The following TET2 variants were observed in gnomAD, a reference collection of about 807,000 sequenced individuals.
The protein encoded by TET2 is tet methylcytosine dioxygenase 2, also known as methylcytosine dioxygenase TET2.
In TET2, 299 loss-of-function variants were observed where a neutral mutation model predicts 142.9. The observed-to-expected ratio is 2.09, with a 90% CI of 1.90 to 2.30. TET2 has a LOEUF of 2.30. Ranked by LOEUF, TET2 falls within the 30% of genes most tolerant of loss-of-function variation. The pLI is 0.00. For missense variants in TET2, 2,418 were observed against 2,378.0 expected, an observed-to-expected ratio of 1.02 and a Z score of -0.35; for synonymous variants, 819 against 849.0, an observed-to-expected ratio of 0.96 and a Z score of 0.61.
chr4:105,227,351 T>C (rs1021306791), intron 2 of TET2, among the ~76,000 whole-genome samples: 10 of 152,172 alleles, frequency 6.6e-5, no homozygotes, highest in African/African-American at 2.4e-4. Flanking sequence ...TTGGCCAGCA[T>C]CCTCTTAGGA....
intron 2 of TET2, among the ~76,000 whole-genome samples, chr4:105,219,463 C>T (rs1363902264): frequency 6.6e-6 from 1 of 152,078 alleles, no homozygotes; most frequent in African/African-American, 2.4e-5. Flanking sequence ...GGATACAGTA[C>T]AGTACATAAT....
At chr4:105,257,995 T>C (rs768676996) in intron 6 of TET2, among the ~76,000 whole-genome samples, 1 of 152,090 alleles carries the variant, frequency 6.6e-6, no homozygotes, top group East Asian at 1.9e-4. Flanking sequence ...CAGTCTAGAG[T>C]ATATCCAACC....
At chr4:105,191,426 T>C (rs952266771) in intron 2 of TET2, among the ~76,000 whole-genome samples, 1 of 152,158 alleles carries the variant, frequency 6.6e-6, no homozygotes, top group Non-Finnish European at 1.5e-5. Flanking sequence ...ATATATAATT[T>C]TGCCTGAACT....
At position 105,276,285 on chromosome 4, in the gene TET2, C is replaced by T. The variant is rs369486971; in HGVS notation, c.5775C>T (p.Ala1925=). 1 of 1,551,426 alleles carries T rather than the reference C, an allele frequency of 6.4e-7. No homozygotes were observed. The highest frequency in any genetic ancestry group is 8.7e-7 in the Non-Finnish European group (1 of 1,146,962). ...GGGAAGCCAAAATGGCTGAAAAAGC[C>T]CGTGAGAAAGAGGAAGAGTGTGAAA... is the stretch of plus-strand genomic sequence containing the variant. ...ALWEAKMAEK[A]REKEEECEKY... Residue 1925 remains alanine (A), a synonymous_variant, in exon 11 of 11, where the codon GCC becomes GCT. Coordinates refer to ENST00000380013, the MANE Select transcript of TET2 (RefSeq NM_001127208.3).
chr4:105,235,385 G>GAAT lies in TET2; in HGVS notation c.1447_1449dup (p.Asn483dup). 6.2e-7 allele frequency: 1 copy of GAAT among 1,614,186 alleles called. No individual in the cohort carries two copies. The highest frequency in any genetic ancestry group is 8.5e-7 in the Non-Finnish European group (1 of 1,180,028). ...CTCCGATGCTTTCTGAAAGGCCTCA[G>GAAT]AATAATTGTGTGAACAGGAATGACA... On this transcript the variant is annotated inframe_insertion, in exon 3 of 11. Transcript: ENST00000380013.
intron 6 of TET2, among the ~76,000 whole-genome samples, chr4:105,254,620 C>T (rs986185386): frequency 1.3e-5 from 2 of 152,086 alleles, no homozygotes; most frequent in Admixed American, 6.6e-5. Context: ...CTATGTTGCC[C>T]AGTGTGGTCT....
rs10516517 is a variant in TET2 at position 105,237,032 on chromosome 4, G to A, written c.3090G>A (p.Gln1030=). Residue 1030 remains glutamine (Q), a synonymous_variant, in exon 3 of 11, where the codon CAG becomes CAA. Coordinates refer to ENST00000380013, the MANE Select transcript of TET2 (RefSeq NM_001127208.3). ...AGAGCATCATTGAGACCATGGAGCA[G>A]CATCTGAAGCAGTTTCACGCCAAGT... ...QQKSIIETME[Q]HLKQFHAKSL... The A allele has an allele frequency of 3.3e-3, 5,281 of 1,614,148 alleles. 128 individuals are homozygous for A. The African/African-American group carries it at 0.058, about 18-fold the overall frequency.
chr4:105,154,440 GA>G (rs1258538932), intron 1 of TET2, among the ~76,000 whole-genome samples: 1 of 152,194 alleles, frequency 6.6e-6, no homozygotes, highest in African/African-American at 2.4e-5. Context: ...TGGCATCAAG[GA>G]GTTTTATTAT....
Position 105,234,807 on chromosome 4 carries a change from G to A in TET2, c.865G>A (p.Ala289Thr). The A allele has an allele frequency of 2.5e-6, 4 of 1,613,980 alleles. No individual in the cohort carries two copies. The highest frequency in any genetic ancestry group is 3.4e-6 in the Non-Finnish European group (4 of 1,179,974). Residue 289 changes from alanine (A) to threonine (T), a missense_variant, in exon 3 of 11, where the codon GCT becomes ACT. Coordinates refer to ENST00000380013, the MANE Select transcript of TET2 (RefSeq NM_001127208.3). ...TSNSELPPKPAAVVSEACDAD... is the reference protein window; with the variant it reads ...TSNSELPPKPTAVVSEACDAD... ...TAACTCTGAGCTGCCTCCAAAGCCA[G>A]CTGCAGTGGTGAGTGAGGCCTGTGA...
At chr4:105,208,910 A>G (rs1015705108) in intron 2 of TET2, among the ~76,000 whole-genome samples, 14 of 151,534 alleles carry the variant, frequency 9.2e-5, no homozygotes, top group African/African-American at 3.4e-4. Context: ...AGTGTTTTAG[A>G]GTGAAACAAG....
chr4:105,169,704 T>C (rs1169916255), intron 1 of TET2, among the ~76,000 whole-genome samples: 1 of 152,236 alleles, frequency 6.6e-6, no homozygotes, highest in East Asian at 1.9e-4. Context: ...AGAATTTTTA[T>C]AGTTTCAGCA....
At chr4:105,203,844 A>G (rs1726630184) in intron 2 of TET2, among the ~76,000 whole-genome samples, 1 of 152,132 alleles carries the variant, frequency 6.6e-6, no homozygotes. Context: ...AAACTCTTCG[A>G]GGCAAATTTA....
Position 105,237,207 on chromosome 4 carries a change from GAA to G in TET2, c.3268_3269del (p.Lys1090AspfsTer13). 6.2e-7 allele frequency: 1 copy of G among 1,614,094 alleles called. No homozygotes were observed. On this transcript the variant is annotated frameshift_variant, in exon 3 of 11. Coordinates refer to ENST00000380013, the MANE Select transcript of TET2 (RefSeq NM_001127208.3). LOFTEE classifies it high-confidence loss of function. Reference sequence around the variant, plus strand: ...TTTAGAGCAGCAAACAACTTCTTCAGAAAAGACACCAACCAAAAGAACAGCTG... The same window carrying G: ...TTTAGAGCAGCAAACAACTTCTTCAGAAGACACCAACCAAAAGAACAGCTG... The part of the protein sequence containing the change: ...PALEQQTTSS[E>X]KTPTKRTAAS...
intron 1 of TET2, among the ~76,000 whole-genome samples, chr4:105,172,113 C>T (rs777863712): frequency 5.5e-4 from 83 of 151,944 alleles, no homozygotes; most frequent in Non-Finnish European, 9.3e-4. Context: ...AGTAGGGATG[C>T]GTGTGTGTGT....
At chr4:105,159,920 C>T (rs897040988) in intron 1 of TET2, among the ~76,000 whole-genome samples, 1 of 152,096 alleles carries the variant, frequency 6.6e-6, no homozygotes, top group African/African-American at 2.4e-5. Context: ...AGGAGAATCG[C>T]TTGACCCCGG....
intron 8 of TET2, among the ~76,000 whole-genome samples, chr4:105,267,445 T>TATTA (rs1361554900): frequency 1.3e-5 from 2 of 151,910 alleles, no homozygotes; most frequent in African/African-American, 4.8e-5. Context: ...ATTGAAAGTA[T>TATTA]ATTATTGTAA....
At chr4:105,237,664 T>C in intron 3 of TET2, 1 of 1,390,268 alleles carries the variant, frequency 7.2e-7, no homozygotes, top group Non-Finnish European at 9.4e-7. Flanking sequence ...CTTTGTATAT[T>C]ATCTCCTGGA....
chr4:105,199,143 A>G (rs1022062452), intron 2 of TET2, among the ~76,000 whole-genome samples: 5 of 152,206 alleles, frequency 3.3e-5, no homozygotes, highest in African/African-American at 2.4e-5. Flanking sequence ...TCTACTCTTT[A>G]TTAAAGAATG....
chr4:105,177,660 C>CCTT (rs1246004974), intron 1 of TET2: 1 of 152,230 alleles, frequency 6.6e-6, no homozygotes, highest in Non-Finnish European at 1.5e-5. Context: ...GCAACAGGAA[C>CCTT]CTTCATTCAT....
Sources: gnomAD v4.1 joint callset for allele counts (sites outside exome capture counted in the v4.1 genomes callset) on GRCh38, gnomAD v4.1.1 for gene constraint, MANE v1.5 for transcripts, NCBI Gene and HGNC (gene_info 2026-07-23, HGNC 2026-07-21) for gene names.